SCHIP1: variants seen among roughly 807,000 people sequenced by gnomAD.
SCHIP1 encodes schwannomin interacting protein 1.
Under a neutral mutation model 29.7 loss-of-function variants are expected in SCHIP1, and 8 were observed. The ratio of observed to expected loss-of-function variants is 0.27; its 90% CI spans 0.16 to 0.49. SCHIP1 has a LOEUF of 0.49. Among genes scored for constraint, SCHIP1 ranks in the 20% least tolerant of loss-of-function variants. The probability of loss-of-function intolerance (pLI) is 0.99; values close to 1 mark genes in which losing one functional copy is unlikely to be tolerated. For synonymous variants in SCHIP1, 76 were observed against 94.9 expected (o/e 0.80, Z 1.16); for missense variants, 193 against 294.6 (o/e 0.66, Z 2.52).
the SCHIP1 span, among the ~76,000 whole-genome samples, chr3:159,775,381 C>T: frequency 6.6e-6 from 1 of 152,180 alleles, no homozygotes; most frequent in Non-Finnish European, 1.5e-5. Context: ...CCCTCTGCAG[C>T]CTCCCAGCCA....
the SCHIP1 span, among the ~76,000 whole-genome samples, chr3:159,648,835 G>C: frequency 6.6e-6 from 1 of 152,130 alleles, no homozygotes; most frequent in South Asian, 2.1e-4. Flanking sequence ...AAGTAACACT[G>C]TTCACGGCCT....
At chr3:159,737,546 CCA>C in the SCHIP1 span, among the ~76,000 whole-genome samples, 1 of 152,152 alleles carries the variant, frequency 6.6e-6, no homozygotes, top group Admixed American at 6.5e-5. Context: ...AGCCATCTCA[CCA>C]CAGTTATGTG....
chr3:159,425,232 A>C, the SCHIP1 span, among the ~76,000 whole-genome samples: 1 of 152,202 alleles, frequency 6.6e-6, no homozygotes, highest in Non-Finnish European at 1.5e-5. Context: ...CTCCAATTAA[A>C]AGACACAGAC....
chr3:159,637,562 T>G, the SCHIP1 span, among the ~76,000 whole-genome samples: 1 of 152,080 alleles, frequency 6.6e-6, no homozygotes. Flanking sequence ...AAAGAGGGAA[T>G]GAAAACTCGG....
the SCHIP1 span, among the ~76,000 whole-genome samples, chr3:159,362,862 G>A: frequency 3.5e-4 from 54 of 152,248 alleles, no homozygotes; most frequent in African/African-American, 1.3e-3. Context: ...ACACTCCCCA[G>A]TAATTCTGCT....
the SCHIP1 span, among the ~76,000 whole-genome samples, chr3:159,648,216 C>A: frequency 2.0e-5 from 3 of 151,622 alleles, no homozygotes; most frequent in Admixed American, 2.0e-4. Flanking sequence ...TTGGCCTTAC[C>A]CTTGACAGAA....
chr3:159,700,288 G>A, the SCHIP1 span, among the ~76,000 whole-genome samples: 5 of 152,176 alleles, frequency 3.3e-5, no homozygotes, highest in South Asian at 2.1e-4. Context: ...CATTCTATAG[G>A]ACAAGTGATG....
chr3:159,729,002 A>C, the SCHIP1 span, among the ~76,000 whole-genome samples: 3 of 151,948 alleles, frequency 2.0e-5, no homozygotes, highest in Non-Finnish European at 4.4e-5. Context: ...GTATAAAATC[A>C]TCTGGGCATG....
chr3:159,478,123 A>T, the SCHIP1 span, among the ~76,000 whole-genome samples: 1 of 151,898 alleles, frequency 6.6e-6, no homozygotes, highest in Admixed American at 6.6e-5. Context: ...GGGTTTCACC[A>T]TGTTGGCCAG....
At chr3:159,838,378 A>C (rs539904719), upstream of SCHIP1, among the ~76,000 whole-genome samples, 1 of 152,332 alleles carries the variant, frequency 6.6e-6, no homozygotes, top group East Asian at 1.9e-4. Context: ...TCCATTTCTC[A>C]TGCAAAAAGT....
At chr3:159,653,335 A>G in the SCHIP1 span, among the ~76,000 whole-genome samples, 1 of 152,140 alleles carries the variant, frequency 6.6e-6, no homozygotes, top group African/African-American at 2.4e-5. Context: ...CTTGGAACCA[A>G]CCCAAATGCT....
At chr3:159,839,739 G>C, upstream of SCHIP1, 1 of 247,330 alleles carries the variant, frequency 4.0e-6, no homozygotes, top group Non-Finnish European at 6.6e-6. Context: ...ACATTGATTT[G>C]TGTCTGTCCC....
At chr3:159,623,483 G>T in the SCHIP1 span, among the ~76,000 whole-genome samples, 1 of 152,100 alleles carries the variant, frequency 6.6e-6, no homozygotes, top group East Asian at 1.9e-4. Flanking sequence ...AAAATTAGCC[G>T]GGCATGGTGG....
chr3:159,521,385 T>C, the SCHIP1 span, among the ~76,000 whole-genome samples: 1 of 152,268 alleles, frequency 6.6e-6, no homozygotes, highest in Admixed American at 6.5e-5. Flanking sequence ...ATAACAGGTA[T>C]AATGTCTTTG....
chr3:159,770,553 C>T, the SCHIP1 span, among the ~76,000 whole-genome samples: 8,716 of 152,250 alleles, frequency 0.057, 348 homozygotes, highest in South Asian at 0.21. Flanking sequence ...GCCACTGTGC[C>T]GGGCCTGAAT....
the SCHIP1 span, among the ~76,000 whole-genome samples, chr3:159,607,447 G>T: frequency 6.6e-6 from 1 of 152,128 alleles, no homozygotes; most frequent in Admixed American, 6.6e-5. Flanking sequence ...ATCGATAAGG[G>T]AGGGATAAAG....
chr3:159,697,514 G>C, the SCHIP1 span, among the ~76,000 whole-genome samples: 1 of 152,164 alleles, frequency 6.6e-6, no homozygotes, highest in Non-Finnish European at 1.5e-5. Flanking sequence ...ATTCACCTCT[G>C]CATCTCCAGG....
At chr3:159,409,124 G>C in the SCHIP1 span, among the ~76,000 whole-genome samples, 1 of 152,108 alleles carries the variant, frequency 6.6e-6, no homozygotes, top group South Asian at 2.1e-4. Flanking sequence ...ACTCGGTATA[G>C]AGGTAACATA....
At chr3:159,633,808 A>G in the SCHIP1 span, among the ~76,000 whole-genome samples, 1 of 152,222 alleles carries the variant, frequency 6.6e-6, no homozygotes, top group Non-Finnish European at 1.5e-5. Context: ...GTTTCCACTA[A>G]AGAAAGGTTA....
Sources: allele counts gnomAD v4.1 joint callset (sites outside exome capture counted in the v4.1 genomes callset), GRCh38; gene constraint gnomAD v4.1.1; transcripts MANE v1.5; gene names NCBI Gene and HGNC (gene_info 2026-07-23, HGNC 2026-07-21).